The following RNF175 variants were observed in gnomAD, a reference collection of about 807,000 sequenced individuals.
The protein encoded by RNF175 is ring finger protein 175.
Under a neutral mutation model 50.0 loss-of-function variants are expected in RNF175, and 38 were observed. The observed-to-expected ratio is 0.76, with a 90% CI of 0.59 to 1.00. The LOEUF is 1.00. Ranked by LOEUF, RNF175 falls within the 50% of genes least tolerant of loss-of-function variation. RNF175 has a pLI of 0.00. For missense variants in RNF175, 388 were observed against 409.6 expected, an observed-to-expected ratio of 0.95 and a Z score of 0.46; for synonymous variants, 155 against 146.1, an observed-to-expected ratio of 1.06 and a Z score of -0.44.
At chr4:153,718,226 G>GTTTTTTTTTTTTTTT (rs1325216298) in intron 6 of RNF175, among the ~76,000 whole-genome samples, 12 of 30,578 alleles carry the variant, frequency 3.9e-4, no homozygotes, top group African/African-American at 5.7e-4. Context: ...TTGTTTGTTT[G>GTTTTTTTTTTTTTTT]TTTGTTTGTT....
At chr4:153,718,226 G>GTTTT (rs1325216298) in intron 6 of RNF175, among the ~76,000 whole-genome samples, 9 of 30,542 alleles carry the variant, frequency 2.9e-4, no homozygotes, top group African/African-American at 5.7e-4. Flanking sequence ...TTGTTTGTTT[G>GTTTT]TTTGTTTGTT....
chr4:153,752,272 G>T (rs569263536), intron 1 of RNF175, among the ~76,000 whole-genome samples: 8 of 152,218 alleles, frequency 5.3e-5, no homozygotes, highest in African/African-American at 1.9e-4. Context: ...TTAGCAGAAA[G>T]GGACCTGTGG....
chr4:153,755,800 C>T (rs1284251845), intron 1 of RNF175, among the ~76,000 whole-genome samples: 1 of 152,034 alleles, frequency 6.6e-6, no homozygotes, highest in Admixed American at 6.5e-5. Flanking sequence ...AAGTACCCAG[C>T]CCGATGGATG....
intron 4 of RNF175, among the ~76,000 whole-genome samples, chr4:153,727,331 A>C (rs1441632510): frequency 6.6e-6 from 1 of 152,170 alleles, no homozygotes; most frequent in Non-Finnish European, 1.5e-5. Context: ...TAAAATACTC[A>C]TAACATGAAT....
chr4:153,719,912 T>C (rs1393787955), intron 6 of RNF175, among the ~76,000 whole-genome samples: 1 of 152,228 alleles, frequency 6.6e-6, no homozygotes, highest in African/African-American at 2.4e-5. Flanking sequence ...ATAACATAAA[T>C]AATTTGCGTA....
chr4:153,753,173 G>A (rs1232787385), intron 1 of RNF175, among the ~76,000 whole-genome samples: 1 of 152,206 alleles, frequency 6.6e-6, no homozygotes, highest in Non-Finnish European at 1.5e-5. Flanking sequence ...CCAGCATGCG[G>A]GCAGTGCAGA....
intron 3 of RNF175, chr4:153,745,719 G>A: frequency 6.6e-6 from 1 of 152,316 alleles, no homozygotes; most frequent in Non-Finnish European, 1.5e-5. Context: ...TCTGGTGAGG[G>A]CCATCTTGCT....
At chr4:153,714,269 G>A (rs1442575877) in intron 7 of RNF175, 1 of 152,142 alleles carries the variant, frequency 6.6e-6, no homozygotes. Context: ...TGAGTTTTTT[G>A]GGAAAGGTAT....
chr4:153,732,450 C>T (rs1376896492), intron 3 of RNF175, among the ~76,000 whole-genome samples: 1 of 151,902 alleles, frequency 6.6e-6, no homozygotes, highest in African/African-American at 2.4e-5. Flanking sequence ...TGTGTCTTGC[C>T]TCATTTTAAA....
chr4:153,744,469 G>A (rs1269935605), intron 3 of RNF175, among the ~76,000 whole-genome samples: 16 of 152,054 alleles, frequency 1.1e-4, no homozygotes, highest in Non-Finnish European at 1.8e-4. Flanking sequence ...GGAGTGGTGC[G>A]ACACAGTGCG....
intron 3 of RNF175, among the ~76,000 whole-genome samples, chr4:153,744,416 C>T (rs1435963847): frequency 1.3e-5 from 2 of 151,484 alleles, no homozygotes; most frequent in African/African-American, 2.4e-5. Context: ...GAGCAAAACT[C>T]CATCTCAAAG....
intron 1 of RNF175, among the ~76,000 whole-genome samples, chr4:153,752,816 C>CA (rs1560797578): frequency 6.6e-6 from 1 of 151,720 alleles, no homozygotes; most frequent in Non-Finnish European, 1.5e-5. Context: ...ATAATTTAAT[C>CA]AAAAAGAGAC....
chr4:153,712,384 C>A (rs1000425830), intron 8 of RNF175, 91 bp downstream of exon 8: 2 of 862,478 alleles, frequency 2.3e-6, no homozygotes, highest in African/African-American at 1.7e-5. Flanking sequence ...TCTGCTGGAA[C>A]TATACAAAAA....
intron 4 of RNF175, among the ~76,000 whole-genome samples, chr4:153,726,073 A>ATGTG (rs10592509): frequency 0.032 from 4,756 of 149,018 alleles, 182 homozygotes; most frequent in Middle Eastern, 0.1. Context: ...TAGTGTGTGT[A>ATGTG]TGTGTGTGTG....
intron 6 of RNF175, among the ~76,000 whole-genome samples, chr4:153,718,249 TTTTG>T (rs1738107688): frequency 7.2e-6 from 1 of 137,976 alleles, no homozygotes; most frequent in African/African-American, 2.7e-5. Context: ...TTTTTTTTTT[TTTTG>T]AAGCAGATGC....
At chr4:153,728,419 C>G in intron 3 of RNF175, 58 bp from the exon 4 acceptor site, 1 of 1,439,908 alleles carries the variant, frequency 6.9e-7, no homozygotes. Flanking sequence ...AATGGCATCT[C>G]CACTATTAAA....
At chr4:153,740,623 T>C (rs62325083) in intron 3 of RNF175, among the ~76,000 whole-genome samples, 26,861 of 152,102 alleles carry the variant, frequency 0.18, 3,093 homozygotes, top group Non-Finnish European at 0.25. Flanking sequence ...CACCCCTCTA[T>C]GGCCTCTGGT....
At chr4:153,731,512 C>T (rs962472551) in intron 3 of RNF175, among the ~76,000 whole-genome samples, 2 of 152,074 alleles carry the variant, frequency 1.3e-5, no homozygotes, top group Admixed American at 1.3e-4. Flanking sequence ...AGATGCTGCC[C>T]AAAAGTACCA....
intron 3 of RNF175, among the ~76,000 whole-genome samples, chr4:153,746,925 C>T (rs1411568232): frequency 6.6e-6 from 1 of 152,228 alleles, no homozygotes; most frequent in Non-Finnish European, 1.5e-5. Context: ...CCTTCCAGAG[C>T]CACAGGTTGA....
Sources: gnomAD v4.1 joint callset for allele counts (sites outside exome capture counted in the v4.1 genomes callset) on GRCh38, gnomAD v4.1.1 for gene constraint, MANE v1.5 for transcripts, NCBI Gene and HGNC (gene_info 2026-07-23, HGNC 2026-07-21) for gene names.